The following NFIB variants were observed in gnomAD, a reference collection of about 807,000 sequenced individuals.
NFIB encodes nuclear factor I B, also known as nuclear factor 1 B-type.
In NFIB, 11 loss-of-function variants were observed where a neutral mutation model predicts 61.5. The ratio of observed to expected loss-of-function variants is 0.18; its 90% CI spans 0.11 to 0.30. The LOEUF (loss-of-function observed/expected upper bound fraction) is 0.30. Among genes scored for constraint, NFIB ranks in the 10% least tolerant of loss-of-function variants. The pLI is 1.00. For missense variants in NFIB, 471 were observed against 608.9 expected (o/e 0.77, Z 2.38); for synonymous variants, 260 against 216.5 (o/e 1.20, Z -1.76).
intron 2 of NFIB, among the ~76,000 whole-genome samples, chr9:14,257,204 G>C (rs2056302617): frequency 6.6e-6 from 1 of 152,140 alleles, no homozygotes; most frequent in Admixed American, 6.5e-5. Context: ...GGAAGTACGA[G>C]GTTACTCTGA....
In NFIB at chr9:14,086,424, CA is replaced by C. The variant is rs1373693036; in HGVS notation, c.*1884del. ...GTGTACTTACCTATAATAACCAATA[CA>C]GCTAAAAGCACTACCTACATAGGCA... On this transcript the variant is annotated 3_prime_UTR_variant, in exon 11 of 11. Transcript: ENST00000380953. 1 of 217,248 alleles carries C rather than the reference CA, an allele frequency of 4.6e-6. No homozygotes were observed. The highest frequency in any genetic ancestry group is 2.3e-5 in the African/African-American group (1 of 44,326). The allele number at this position is 217,248 out of a possible 1,614,324, so 13.5% of individuals were successfully genotyped here. A position where few individuals can be genotyped will look rare whatever the true frequency, so the allele number is the denominator to read the frequency against.
the NFIB span, among the ~76,000 whole-genome samples, chr9:14,519,860 C>T: frequency 1.3e-3 from 192 of 152,290 alleles, 1 homozygote; most frequent in African/African-American, 3.8e-3. Context: ...GATAGTCTAG[C>T]CTTAGATGCC....
chr9:14,314,324 GCCGC>G (rs1233457857), upstream of NFIB: 23 of 197,382 alleles, frequency 1.2e-4, no homozygotes, highest in East Asian at 3.7e-4. Flanking sequence ...TCGGCGCCCG[GCCGC>G]CCGCCCGCCC....
At chr9:14,428,684 C>A in the NFIB span, among the ~76,000 whole-genome samples, 9 of 152,302 alleles carry the variant, frequency 5.9e-5, no homozygotes, top group Admixed American at 3.3e-4. Flanking sequence ...TGCCTCAAAG[C>A]CTTTGAACGT....
In NFIB at chr9:14,198,129, T is replaced by G. The variant is rs1178390950; in HGVS notation, c.563-18349A>C. Reference sequence around the variant, plus strand: ...AGAATTCCATATTCCTCAAATGGAATTTTTTCAAAGTAAATAATAAAAGCT... The same window carrying G: ...AGAATTCCATATTCCTCAAATGGAAGTTTTTCAAAGTAAATAATAAAAGCT... On this transcript the variant is annotated intron_variant, in intron 2 of 10. Transcript: ENST00000380953. Among the ~76,000 whole-genome samples, 2 of 152,172 alleles carry G rather than the reference T, an allele frequency of 1.3e-5. 1 individual carries two copies. The highest frequency in any genetic ancestry group is 4.1e-4 in the South Asian group (2 of 4,828).
chr9:14,451,753 G>A, the NFIB span, among the ~76,000 whole-genome samples: 1 of 152,096 alleles, frequency 6.6e-6, no homozygotes, highest in African/African-American at 2.4e-5. Context: ...GTCCTAATGG[G>A]AATATTTCTG....
intron 2 of NFIB, among the ~76,000 whole-genome samples, chr9:14,295,231 A>T (rs1383645436): frequency 1.3e-5 from 2 of 152,220 alleles, no homozygotes; most frequent in Non-Finnish European, 2.9e-5. Context: ...CATGCAACTG[A>T]TTAAACGGTT....
At chr9:14,200,948 T>C (rs1329489711) in intron 2 of NFIB, among the ~76,000 whole-genome samples, 1 of 152,170 alleles carries the variant, frequency 6.6e-6, no homozygotes, top group Non-Finnish European at 1.5e-5. Flanking sequence ...CATATCTCAA[T>C]TAATGGCATT....
At chr9:14,309,366 T>C (rs1348373743) in intron 1 of NFIB, among the ~76,000 whole-genome samples, 2 of 152,212 alleles carry the variant, frequency 1.3e-5, no homozygotes, top group African/African-American at 4.8e-5. Context: ...ATCAATAATG[T>C]AGTTATCAAG....
At chr9:14,504,721 G>A in the NFIB span, among the ~76,000 whole-genome samples, 2 of 152,146 alleles carry the variant, frequency 1.3e-5, no homozygotes, top group East Asian at 3.8e-4. Context: ...CCAGTTCTAA[G>A]AGCTTTTTGG....
At chr9:14,186,305 G>A (rs1424401155) in intron 2 of NFIB, among the ~76,000 whole-genome samples, 1 of 152,050 alleles carries the variant, frequency 6.6e-6, no homozygotes, top group East Asian at 1.9e-4. Context: ...GTGATAAAGG[G>A]CCCTTTTGTC....
the NFIB span, among the ~76,000 whole-genome samples, chr9:14,511,624 G>A: frequency 1.3e-5 from 2 of 152,092 alleles, no homozygotes; most frequent in Non-Finnish European, 2.9e-5. Flanking sequence ...AGTAAGAGGT[G>A]GAGTTGAAAT....
intron 2 of NFIB, among the ~76,000 whole-genome samples, chr9:14,201,295 G>A (rs1050182126): frequency 3.6e-4 from 54 of 152,058 alleles, no homozygotes; most frequent in Non-Finnish European, 1.5e-4. Flanking sequence ...AGCATTCAAG[G>A]TGCTCCATAA....
At chr9:14,250,667 T>C (rs1374937257) in intron 2 of NFIB, among the ~76,000 whole-genome samples, 1 of 152,228 alleles carries the variant, frequency 6.6e-6, no homozygotes, top group East Asian at 1.9e-4. Context: ...TAAAGCAACA[T>C]TAAACATACC....
the NFIB span, among the ~76,000 whole-genome samples, chr9:14,427,947 T>TTTTGTTTTGTTTTG: frequency 9.8e-6 from 1 of 101,622 alleles, no homozygotes; most frequent in African/African-American, 4.0e-5. Flanking sequence ...GTTTTTTTTT[T>TTTTGTTTTGTTTTG]TTTTTTTTTT....
the NFIB span, among the ~76,000 whole-genome samples, chr9:14,507,047 G>A: frequency 6.6e-6 from 1 of 152,134 alleles, no homozygotes; most frequent in African/African-American, 2.4e-5. Context: ...ATTTTTAAAT[G>A]TTTTAAAACT....
chr9:14,523,580 T>A, the NFIB span, among the ~76,000 whole-genome samples: 1 of 152,054 alleles, frequency 6.6e-6, no homozygotes, highest in Non-Finnish European at 1.5e-5. Flanking sequence ...GGAAAAATAA[T>A]CAATCCTCTT....
chr9:14,450,510 T>G, the NFIB span, among the ~76,000 whole-genome samples: 3 of 152,186 alleles, frequency 2.0e-5, no homozygotes, highest in Admixed American at 2.0e-4. Context: ...TTTCAAAAGA[T>G]CATTTATTCT....
chr9:14,231,231 A>C (rs993769958), intron 2 of NFIB, among the ~76,000 whole-genome samples: 3 of 147,970 alleles, frequency 2.0e-5, no homozygotes, highest in Non-Finnish European at 4.5e-5. Context: ...ATTCACTGGG[A>C]GAAAGCCCTG....
Sources: allele counts gnomAD v4.1 joint callset (sites outside exome capture counted in the v4.1 genomes callset), GRCh38; gene constraint gnomAD v4.1.1; transcripts MANE v1.5; gene names NCBI Gene and HGNC (gene_info 2026-07-23, HGNC 2026-07-21).